TRAF1: variants seen among roughly 807,000 people sequenced by gnomAD.
TRAF1 encodes the protein TNF receptor associated factor 1, also known as TNF receptor-associated factor 1.
TRAF1 carries 23 observed loss-of-function variants against 40.9 expected under a neutral mutation model. The observed-to-expected ratio is 0.56, with a 90% CI of 0.40 to 0.80. The LOEUF (loss-of-function observed/expected upper bound fraction) is 0.80, where lower values mean the gene tolerates loss of function less well. Ranked by LOEUF, TRAF1 falls within the 30% of genes least tolerant of loss-of-function variation. The probability of loss-of-function intolerance (pLI) is 0.00; values close to 1 mark genes in which losing one functional copy is unlikely to be tolerated. For missense variants in TRAF1, 477 were observed against 528.7 expected (o/e 0.90, Z 0.96); for synonymous variants, 206 against 218.8 (o/e 0.94, Z 0.52).
chr9:120,921,926 C>T (rs183381357), intron 3 of TRAF1, among the ~76,000 whole-genome samples: 7 of 152,306 alleles, frequency 4.6e-5, no homozygotes, highest in Admixed American at 4.6e-4. Flanking sequence ...ACGGTCTGGA[C>T]ATCACAGATC....
At chr9:120,927,923 A>T (rs1259389099), upstream of TRAF1, 1 of 151,846 alleles carries the variant, frequency 6.6e-6, no homozygotes, top group Non-Finnish European at 1.5e-5. Context: ...GGCACCCAAG[A>T]CTTCTCTCCC....
chr9:120,914,637 T>C (rs1390475317), intron 3 of TRAF1: 12 of 998,534 alleles, frequency 1.2e-5, no homozygotes, highest in Non-Finnish European at 1.4e-5. Flanking sequence ...GTGTTCCCAG[T>C]GCTGAGGGCA....
chr9:120,924,279 A>G (rs563505291), intron 2 of TRAF1, among the ~76,000 whole-genome samples: 1 of 152,286 alleles, frequency 6.6e-6, no homozygotes, highest in African/African-American at 2.4e-5. Context: ...TATGTTTAGT[A>G]ATTACAGAGG....
chr9:120,923,085 C>T (rs1458977256), intron 3 of TRAF1, among the ~76,000 whole-genome samples: 1 of 152,172 alleles, frequency 6.6e-6, no homozygotes, highest in Non-Finnish European at 1.5e-5. Flanking sequence ...GCTCTCCGCC[C>T]ACCTCGGCCT....
chr9:120,910,153 G>A (rs924604733), intron 6 of TRAF1, among the ~76,000 whole-genome samples: 3 of 152,232 alleles, frequency 2.0e-5, no homozygotes, highest in Admixed American at 1.3e-4. Flanking sequence ...GGGCAGGCAG[G>A]AAGAGGGTGG....
In TRAF1 at chr9:120,918,409, TACTAATAAC is replaced by T. The variant is rs1272130838; in HGVS notation, c.229-4118_229-4110del. On this transcript the variant is annotated intron_variant, in intron 3 of 7. Coordinates refer to ENST00000373887, the MANE Select transcript of TRAF1 (RefSeq NM_005658.5). ...CTGAATACTTGTTGAATACTACTGC[TACTAATAAC>T]ACTAATAATACTAATAGTAGTAATA... is the stretch of plus-strand genomic sequence containing the variant. Among the ~76,000 whole-genome samples, 5 of 150,332 alleles carry T rather than the reference TACTAATAAC, an allele frequency of 3.3e-5. No homozygotes were observed. In the South Asian group the frequency reaches 8.4e-4, roughly 25 times the overall value.
Position 120,909,283 on chromosome 9 carries a change from C to T in TRAF1, c.979G>A (p.Val327Met), listed in dbSNP as rs547111635. The T allele has an allele frequency of 1.5e-5, 24 of 1,614,160 alleles. No individual in the cohort carries two copies. Among genetic ancestry groups the T allele is most frequent in the Middle Eastern group, 3.3e-4 (2 of 6,056 alleles). The change falls in exon 7 of 8, where the codon GTG becomes ATG. Residue 327 changes from valine to methionine, a missense_variant. Coordinates refer to ENST00000373887, the MANE Select transcript of TRAF1 (RefSeq NM_005658.5). ...GCATCATACTCCCCTCTCATGATCA[C>T]GATGAAGAGCGACAGATGGGTTCTC... ...GKRTHLSLFI[V>M]IMRGEYDALL...
At chr9:120,916,151 G>C (rs942694855) in intron 3 of TRAF1, among the ~76,000 whole-genome samples, 1 of 152,192 alleles carries the variant, frequency 6.6e-6, no homozygotes, top group Non-Finnish European at 1.5e-5. Flanking sequence ...TAATAACATG[G>C]ATGAACCTCA....
chr9:120,928,333 CT>C (rs2046653952), upstream of TRAF1: 1 of 152,268 alleles, frequency 6.6e-6, no homozygotes, highest in Admixed American at 6.5e-5. Flanking sequence ...AAAAGATTGT[CT>C]ATACAGGCAC....
rs1313155114 is a variant in TRAF1, at chr9:120,914,146, C to A, written c.294+89G>T. The A allele has an allele frequency of 1.5e-5, 18 of 1,170,890 alleles. No individual in the cohort carries two copies. The South Asian group carries it at 4.2e-4, about 27-fold the overall frequency. 72.5% of individuals were successfully genotyped at this position (1,170,890 alleles called of 1,614,324 possible). A position where few individuals can be genotyped will look rare whatever the true frequency, so the allele number is the denominator to read the frequency against. On this transcript the variant is annotated intron_variant, in intron 4 of 7. Coordinates refer to ENST00000373887, the MANE Select transcript of TRAF1 (RefSeq NM_005658.5). ...CATCCAGATGAGTGGACTGATGTTACGGGAAAATCATGGAGGGGCTGCAGT... is the reference window on the plus strand; with the variant it reads ...CATCCAGATGAGTGGACTGATGTTAAGGGAAAATCATGGAGGGGCTGCAGT...
chr9:120,925,877 T>A, intron 2 of TRAF1, 59 bp downstream of exon 2: 1 of 1,609,232 alleles, frequency 6.2e-7, no homozygotes, highest in Non-Finnish European at 8.5e-7. Flanking sequence ...TCACCTCCCA[T>A]CAGGGGTCCC....
chr9:120,916,587 T>A (rs2046570954), intron 3 of TRAF1, among the ~76,000 whole-genome samples: 2 of 152,082 alleles, frequency 1.3e-5, no homozygotes, highest in African/African-American at 4.8e-5. Context: ...TCACACTAGT[T>A]ATTATTCTTT....
rs1226351363 is a variant in TRAF1 at position 120,923,764 on chromosome 9, A to T, written c.169T>A (p.Cys57Ser). Residue 57 changes from cysteine (C) to serine (S), a missense_variant, in exon 3 of 8, where the codon TGC (cysteine) becomes AGC (serine). By Grantham distance (112) the Cys-to-Ser change is moderately radical. Coordinates refer to ENST00000373887, the MANE Select transcript of TRAF1 (RefSeq NM_005658.5). The stretch of plus-strand genomic sequence containing the variant: ...ATAGACTGGAGGTCTTCCCCTCTGC[A>T]TTTGGGGCAGATCTGATCCTCGCCA... The part of the protein sequence containing the change: ...RNGEDQICPK[C>S]RGEDLQSISP... 3 of 1,614,062 alleles carry T rather than the reference A, an allele frequency of 1.9e-6. No homozygotes were observed. The highest frequency in any genetic ancestry group is 2.2e-5 in the South Asian group (2 of 91,076).
upstream of TRAF1, chr9:120,928,248 G>T (rs1394309793): frequency 6.6e-6 from 1 of 152,188 alleles, no homozygotes; most frequent in East Asian, 1.9e-4. Context: ...AACCACGCAC[G>T]CTTTTAAAAC....
intron 6 of TRAF1, among the ~76,000 whole-genome samples, chr9:120,909,945 G>A (rs892704041): frequency 1.3e-5 from 2 of 152,050 alleles, no homozygotes; most frequent in African/African-American, 2.4e-5. Context: ...ACTGGCTGGG[G>A]TCCCCTGGAG....
At chr9:120,921,349 C>T (rs2046604086) in intron 3 of TRAF1, among the ~76,000 whole-genome samples, 1 of 151,902 alleles carries the variant, frequency 6.6e-6, no homozygotes, top group African/African-American at 2.4e-5. Flanking sequence ...GCTCCAGGAT[C>T]CCCCTCCATC....
intron 3 of TRAF1, among the ~76,000 whole-genome samples, chr9:120,918,908 T>C (rs755836743): frequency 3.9e-5 from 6 of 151,914 alleles, no homozygotes; most frequent in Non-Finnish European, 8.8e-5. Context: ...GAGGGGGAGG[T>C]TGGGGCTCTG....
chr9:120,908,507 ATT>A (rs1564117008), intron 7 of TRAF1, among the ~76,000 whole-genome samples: 1 of 152,156 alleles, frequency 6.6e-6, no homozygotes, highest in Non-Finnish European at 1.5e-5. Context: ...ACAACAATTT[ATT>A]TCTTGGAGAA....
At position 120,926,128 on chromosome 9, in the gene TRAF1, G is replaced by T; in HGVS notation, c.-53C>A. ...CTGTTTAAGTTGCTCCAGGGCAGGG[G>T]ACCAGCCTTGTGGAGTCCTGGCCTG... On this transcript the variant is annotated 5_prime_UTR_variant, in exon 2 of 8. Transcript: ENST00000373887. 1 of 1,488,286 alleles carries T rather than the reference G, an allele frequency of 6.7e-7. No individual in the cohort carries two copies. The highest frequency in any genetic ancestry group is 1.4e-5 in the South Asian group (1 of 71,938). The allele number at this position is 1,488,286 out of a possible 1,614,324, so 92.2% of individuals were successfully genotyped here.
Sources: allele counts gnomAD v4.1 joint callset (sites outside exome capture counted in the v4.1 genomes callset), GRCh38; gene constraint gnomAD v4.1.1; transcripts MANE v1.5; gene names NCBI Gene and HGNC (gene_info 2026-07-23, HGNC 2026-07-21).